Variants in SHISA6 observed in about 807,000 individuals in gnomAD.
SHISA6 encodes protein shisa-6.
Under a neutral mutation model 47.9 loss-of-function variants are expected in SHISA6, and 22 were observed. The ratio of observed to expected loss-of-function variants is 0.46; its 90% CI spans 0.33 to 0.66. SHISA6 has a LOEUF of 0.66. Among genes scored for constraint, SHISA6 ranks in the 30% least tolerant of loss-of-function variants. The pLI is 0.02. For synonymous variants in SHISA6, 388 were observed against 337.8 expected, an observed-to-expected ratio of 1.15 and a Z score of -1.63; for missense variants, 680 against 764.6, an observed-to-expected ratio of 0.89 and a Z score of 1.30.
At chr17:11,457,735 A>G (rs1298182936) in intron 3 of SHISA6, among the ~76,000 whole-genome samples, 1 of 101,218 alleles carries the variant, frequency 9.9e-6, no homozygotes. Flanking sequence ...AGTGAGACTC[A>G]GTCTCAAAAA....
intron 3 of SHISA6, among the ~76,000 whole-genome samples, chr17:11,429,522 T>G (rs1454744331): frequency 2.0e-5 from 3 of 151,708 alleles, no homozygotes; most frequent in Non-Finnish European, 4.4e-5. Flanking sequence ...GGCTCTCACC[T>G]GTAGTCCCAG....
At chr17:11,347,314 G>A (rs72807103) in intron 2 of SHISA6, among the ~76,000 whole-genome samples, 3,656 of 152,208 alleles carry the variant, frequency 0.024, 98 homozygotes, top group East Asian at 0.063. Flanking sequence ...AGTCAGAAGT[G>A]GGAGAAGAAC....
intron 2 of SHISA6, among the ~76,000 whole-genome samples, chr17:11,378,259 G>T (rs540623843): frequency 1.2e-4 from 18 of 152,296 alleles, no homozygotes; most frequent in Non-Finnish European, 2.5e-4. Flanking sequence ...AAAGACAGAA[G>T]AAATAGCACT....
chr17:11,461,759 G>C (rs1379033308), intron 3 of SHISA6, among the ~76,000 whole-genome samples: 2 of 152,128 alleles, frequency 1.3e-5, no homozygotes, highest in African/African-American at 4.8e-5. Context: ...GAGTAGTTCA[G>C]AGTTTGAGAG....
intron 3 of SHISA6, among the ~76,000 whole-genome samples, chr17:11,393,585 T>C (rs1221524163): frequency 6.6e-6 from 1 of 152,214 alleles, no homozygotes; most frequent in Non-Finnish European, 1.5e-5. Flanking sequence ...TGTTATTACT[T>C]AGGTTATTTA....
chr17:11,327,196 A>G (rs1201019960), intron 2 of SHISA6, among the ~76,000 whole-genome samples: 1 of 152,194 alleles, frequency 6.6e-6, no homozygotes, highest in Non-Finnish European at 1.5e-5. Flanking sequence ...TCATTTCCAA[A>G]TTCATCCAGG....
At chr17:11,269,320 G>A (rs773427297) in intron 2 of SHISA6, among the ~76,000 whole-genome samples, 3 of 152,186 alleles carry the variant, frequency 2.0e-5, no homozygotes, top group Non-Finnish European at 2.9e-5. Context: ...GATTACAGGC[G>A]TGAACCACTG....
In SHISA6 at chr17:11,336,879, C is replaced by T. The variant is rs140415190; in HGVS notation, c.800-42535C>T. On this transcript the variant is annotated intron_variant, in intron 2 of 5. Coordinates refer to ENST00000441885, the MANE Select transcript of SHISA6 (RefSeq NM_207386.4). ...CAGACCTGTGTGGGAGCTGCCCCAG[C>T]GTCCGAAAACTCCCTCCAGGGCAGG... Among the ~76,000 whole-genome samples, 940 of 152,248 alleles carry T rather than the reference C, an allele frequency of 6.2e-3. 13 individuals are homozygous for T. Among genetic ancestry groups the T allele is most frequent in the African/African-American group, 0.021 (867 of 41,536 alleles).
chr17:11,318,123 T>C (rs1437116282), intron 2 of SHISA6, among the ~76,000 whole-genome samples: 1 of 59,188 alleles, frequency 1.7e-5, no homozygotes, highest in East Asian at 5.2e-4. Flanking sequence ...ATAATCACAG[T>C]GCCATTATCA....
At chr17:11,458,958 C>T (rs1192263977) in intron 3 of SHISA6, among the ~76,000 whole-genome samples, 1 of 152,028 alleles carries the variant, frequency 6.6e-6, no homozygotes, top group East Asian at 1.9e-4. Context: ...GTAATCCCAG[C>T]ACTTTGGGAG....
intron 3 of SHISA6, among the ~76,000 whole-genome samples, chr17:11,391,587 G>A (rs1209105303): frequency 2.6e-5 from 4 of 152,094 alleles, no homozygotes; most frequent in Admixed American, 1.3e-4. Context: ...CAGCACGACT[G>A]TCCCCGTTTG....
intron 2 of SHISA6, among the ~76,000 whole-genome samples, chr17:11,360,082 A>G (rs1341818196): frequency 6.6e-6 from 1 of 152,244 alleles, no homozygotes; most frequent in Non-Finnish European, 1.5e-5. Context: ...CCCATCAGTG[A>G]TAGACTGGAT....
rs1396298192 is a variant in SHISA6, at chr17:11,258,666, T to C, written c.639-4700T>C. ...GGGCCCTCACTTCCCACTGGCCTTA[T>C]GCACAGCAGGGGTCTGGTGAAGTAT... On this transcript the variant is annotated intron_variant, in intron 1 of 5. Coordinates refer to ENST00000441885, the MANE Select transcript of SHISA6 (RefSeq NM_207386.4). Among the ~76,000 whole-genome samples the C allele has an allele frequency of 2.0e-5, 3 of 152,204 alleles. No individual in the cohort carries two copies. The East Asian group carries it at 5.8e-4, about 29-fold the overall frequency.
At chr17:11,280,983 G>C (rs1909096467) in intron 2 of SHISA6, among the ~76,000 whole-genome samples, 1 of 151,988 alleles carries the variant, frequency 6.6e-6, no homozygotes, top group African/African-American at 2.4e-5. Context: ...GTTTATTGGT[G>C]GTATATAAAA....
intron 2 of SHISA6, among the ~76,000 whole-genome samples, chr17:11,355,784 G>A (rs1400510462): frequency 6.6e-6 from 1 of 152,198 alleles, no homozygotes; most frequent in Non-Finnish European, 1.5e-5. Flanking sequence ...AAGGCAGATG[G>A]TGGGTCTGAT....
intron 2 of SHISA6, among the ~76,000 whole-genome samples, chr17:11,351,633 C>T (rs1437016699): frequency 1.3e-5 from 2 of 152,234 alleles, no homozygotes; most frequent in African/African-American, 4.8e-5. Context: ...TTGCACATCT[C>T]TATTTGTATT....
At chr17:11,542,335 A>G (rs767435670) in intron 3 of SHISA6, among the ~76,000 whole-genome samples, 15 of 47,078 alleles carry the variant, frequency 3.2e-4, no homozygotes, top group East Asian at 2.4e-3. Flanking sequence ...GTGCTACAAG[A>G]AAAAAAAAAA....
chr17:11,501,869 A>G (rs1284433373), intron 3 of SHISA6, among the ~76,000 whole-genome samples: 1 of 152,186 alleles, frequency 6.6e-6, no homozygotes, highest in Non-Finnish European at 1.5e-5. Context: ...GTGGAAAAGG[A>G]GAGAAAAGGG....
intron 1 of SHISA6, among the ~76,000 whole-genome samples, chr17:11,254,569 C>T (rs1213500048): frequency 2.0e-5 from 3 of 152,190 alleles, no homozygotes; most frequent in Non-Finnish European, 2.9e-5. Context: ...CACCACCTGC[C>T]CCTCCTCTCA....
Sources: allele counts gnomAD v4.1 joint callset (sites outside exome capture counted in the v4.1 genomes callset), GRCh38; gene constraint gnomAD v4.1.1; transcripts MANE v1.5; gene names NCBI Gene and HGNC (gene_info 2026-07-23, HGNC 2026-07-21).